Variants in BTAF1 observed in about 807,000 individuals in gnomAD.
BTAF1 encodes the protein TATA-binding protein-associated factor 172.
Under a neutral mutation model 227.1 loss-of-function variants are expected in BTAF1, and 38 were observed. That is an observed-to-expected ratio of 0.17 (90% CI 0.13 to 0.22). The LOEUF is 0.22. Ranked by LOEUF, BTAF1 falls within the 10% of genes least tolerant of loss-of-function variation. BTAF1 has a pLI of 1.00. For missense variants in BTAF1, 1,598 were observed against 2,204.0 expected (o/e 0.73, Z 5.51); for synonymous variants, 742 against 751.9 (o/e 0.99, Z 0.21).
At chr10:91,987,044 G>A (rs1351442565) in intron 19 of BTAF1, among the ~76,000 whole-genome samples, 1 of 147,960 alleles carries the variant, frequency 6.8e-6, no homozygotes, top group Non-Finnish European at 1.5e-5. Flanking sequence ...TCTTTCTTAC[G>A]TTCTTCTTTT....
intron 1 of BTAF1, 43 bp from the exon 2 acceptor site, chr10:91,935,614 G>A (rs746176093): frequency 6.2e-7 from 1 of 1,602,500 alleles, no homozygotes; most frequent in South Asian, 1.1e-5. Context: ...GTACATACGA[G>A]GAAAAGCATT....
At chr10:92,014,378 T>G (rs927033201) in intron 32 of BTAF1, among the ~76,000 whole-genome samples, 2 of 152,014 alleles carry the variant, frequency 1.3e-5, no homozygotes, top group African/African-American at 4.8e-5. Flanking sequence ...CAGGCACATA[T>G]CACCATGCCC....
Position 91,940,198 on chromosome 10 carries a change from G to A in BTAF1, c.253+132G>A, listed in dbSNP as rs17107223. On this transcript the variant is annotated intron_variant, in intron 3 of 37. Coordinates refer to ENST00000265990, the MANE Select transcript of BTAF1 (RefSeq NM_003972.3). ...ATGCTTTTAGGTACAGCTTTGTCAGGAAATGATACTGAATAAGGTGATTTT... is the reference window on the plus strand; with the variant it reads ...ATGCTTTTAGGTACAGCTTTGTCAGAAAATGATACTGAATAAGGTGATTTT... 8.2e-3 allele frequency: 3,352 copies of A among 409,778 alleles called. 118 individuals are homozygous for A. The highest frequency in any genetic ancestry group is 0.071 in the East Asian group (1,686 of 23,688). 25.4% of individuals were successfully genotyped at this position (409,778 alleles called of 1,614,324 possible).
chr10:91,956,394 A>G, intron 6 of BTAF1, 134 bp from the exon 7 acceptor site: 1 of 1,116,350 alleles, frequency 9.0e-7, no homozygotes, highest in Admixed American at 3.3e-5. Context: ...TAAGCAGAAT[A>G]TGGTGTAAAA....
chr10:91,925,355 A>T (rs1476582464), intron 1 of BTAF1, among the ~76,000 whole-genome samples: 1 of 152,182 alleles, frequency 6.6e-6, no homozygotes. Flanking sequence ...AAATGCATTG[A>T]TATGTAAACT....
In BTAF1 at chr10:92,029,448, A is replaced by T. The variant is rs1851750614; in HGVS notation, c.*515A>T. 6.6e-6 allele frequency: 1 copy of T among 152,448 alleles called. No homozygotes were observed. Among genetic ancestry groups the T allele is most frequent in the Non-Finnish European group, 1.5e-5 (1 of 67,928 alleles). The allele number at this position is 152,448 out of a possible 1,614,324, so 9.4% of individuals were successfully genotyped here. A position where few individuals can be genotyped will look rare whatever the true frequency, so the allele number is the denominator to read the frequency against. On this transcript the variant is annotated 3_prime_UTR_variant, in exon 38 of 38. Transcript: ENST00000265990. ...ATGAAAATGTCAGACAATGAATTTA[A>T]TCGGGCCCTTGGTGGAAACATTTAT...
At chr10:92,011,482 G>C in intron 30 of BTAF1, 67 bp downstream of exon 30, 1 of 735,608 alleles carries the variant, frequency 1.4e-6, no homozygotes, top group Non-Finnish European at 1.8e-6. Flanking sequence ...CAGGTGGAGG[G>C]TAGGCTTGGT....
At chr10:92,026,900 C>T in intron 36 of BTAF1, 149 bp downstream of exon 36, 1 of 976,574 alleles carries the variant, frequency 1.0e-6, no homozygotes. Flanking sequence ...TCTGTGGTAT[C>T]ACTTCCTCAT....
At chr10:91,962,408 C>A in intron 11 of BTAF1, 130 bp from the exon 12 acceptor site, 1 of 583,604 alleles carries the variant, frequency 1.7e-6, no homozygotes, top group Non-Finnish European at 3.0e-6. Context: ...CAGAATGTAT[C>A]CATTGTTAAG....
chr10:92,018,750 T>C (rs373791554), intron 33 of BTAF1, 33 bp from the exon 34 acceptor site: 1 of 1,413,574 alleles, frequency 7.1e-7, no homozygotes. Context: ...TATGCGAAAT[T>C]GACTCATATA....
chr10:92,008,605 C>A (rs2995545), intron 26 of BTAF1, among the ~76,000 whole-genome samples: 1 of 151,398 alleles, frequency 6.6e-6, no homozygotes, highest in Non-Finnish European at 1.5e-5. Context: ...CACCTTGGCC[C>A]CCCAAAGTGC....
chr10:91,941,321 T>C (rs1160997170), intron 3 of BTAF1, among the ~76,000 whole-genome samples: 1 of 152,232 alleles, frequency 6.6e-6, no homozygotes, highest in East Asian at 1.9e-4. Context: ...TTTTACTAAA[T>C]GAATTTGCTT....
In BTAF1 at chr10:91,934,361, C is replaced by T. The variant is rs558249865; in HGVS notation, c.15-1296C>T. Among the ~76,000 whole-genome samples the T allele has an allele frequency of 2.6e-5, 4 of 152,124 alleles. No individual in the cohort carries two copies. In the South Asian group the frequency reaches 6.2e-4, roughly 24 times the overall value. ...AAGCAATTATCCTGCCTCAGCCTCCCTAGTAGCCGGGACTACAGGTGGATG... is the reference window on the plus strand; with the variant it reads ...AAGCAATTATCCTGCCTCAGCCTCCTTAGTAGCCGGGACTACAGGTGGATG... On this transcript the variant is annotated intron_variant, in intron 1 of 37. Coordinates refer to ENST00000265990, the MANE Select transcript of BTAF1 (RefSeq NM_003972.3).
At position 92,023,437 on chromosome 10, in the gene BTAF1, C is replaced by T. The variant is rs552574096; in HGVS notation, c.4864-1319C>T. Among the ~76,000 whole-genome samples, 124 of 152,258 alleles carry T rather than the reference C, an allele frequency of 8.1e-4. 1 individual carries two copies. Among genetic ancestry groups the T allele is most frequent in the African/African-American group, 2.9e-3 (120 of 41,560 alleles). ...GTACAGTGGCTCACGCCTGTAATCC[C>T]AGCACTTTGGGAGACTGAGGCAGAT... On this transcript the variant is annotated intron_variant, in intron 34 of 37. Coordinates refer to ENST00000265990, the MANE Select transcript of BTAF1 (RefSeq NM_003972.3).
rs775444308 is a variant in BTAF1 at position 91,957,310 on chromosome 10, A to G, written c.900+17A>G. On this transcript the variant is annotated intron_variant, in intron 8 of 37. Coordinates refer to ENST00000265990, the MANE Select transcript of BTAF1 (RefSeq NM_003972.3). ...TCCTGGGAGGTAAGATTTCTTCATT[A>G]CAGTTTTTCTCAGCTCTATTTTCTG... 2 of 1,595,392 alleles carry G rather than the reference A, an allele frequency of 1.3e-6. No individual in the cohort carries two copies. Among genetic ancestry groups the G allele is most frequent in the East Asian group, 2.2e-5 (1 of 44,610 alleles).
At chr10:92,016,694 T>A (rs1165952011) in intron 33 of BTAF1, among the ~76,000 whole-genome samples, 1 of 152,130 alleles carries the variant, frequency 6.6e-6, no homozygotes, top group Non-Finnish European at 1.5e-5. Flanking sequence ...CAGGTTGATC[T>A]CAAACTCCTG....
chr10:91,959,762 A>G lies in BTAF1; in HGVS notation c.991-23A>G, dbSNP rs780257237. ...TGTGTATATATATATATATATATATATATATATATTATATTTTAACAGATG... is the reference window on the plus strand; with the variant it reads ...TGTGTATATATATATATATATATATGTATATATATTATATTTTAACAGATG... On this transcript the variant is annotated intron_variant, in intron 9 of 37. Transcript: ENST00000265990. 9 of 520,920 alleles carry G rather than the reference A, an allele frequency of 1.7e-5. 1 individual carries two copies. The highest frequency in any genetic ancestry group is 3.6e-5 in the South Asian group (1 of 27,948). The allele number at this position is 520,920 out of a possible 1,614,324, so 32.3% of individuals were successfully genotyped here. A position where few individuals can be genotyped will look rare whatever the true frequency, so the allele number is the denominator to read the frequency against.
chr10:91,930,744 CCTTA>C (rs1332921899), intron 1 of BTAF1, among the ~76,000 whole-genome samples: 5 of 152,186 alleles, frequency 3.3e-5, no homozygotes, highest in African/African-American at 4.8e-5. Context: ...CATTATCTTT[CCTTA>C]CTTCCTGAGT....
At chr10:91,926,414 G>A (rs1280677225) in intron 1 of BTAF1, among the ~76,000 whole-genome samples, 1 of 152,166 alleles carries the variant, frequency 6.6e-6, no homozygotes, top group African/African-American at 2.4e-5. Flanking sequence ...AGAAATTTGA[G>A]AATGTTCTTT....
Sources: gnomAD v4.1 joint callset for allele counts (sites outside exome capture counted in the v4.1 genomes callset) on GRCh38, gnomAD v4.1.1 for gene constraint, MANE v1.5 for transcripts, NCBI Gene and HGNC (gene_info 2026-07-23, HGNC 2026-07-21) for gene names.